Variants in PRODH2 observed in about 807,000 individuals in gnomAD.
PRODH2 encodes proline dehydrogenase 2.
Under a neutral mutation model 51.9 loss-of-function variants are expected in PRODH2, and 49 were observed. The ratio of observed to expected loss-of-function variants is 0.94; its 90% CI spans 0.75 to 1.20. The LOEUF (loss-of-function observed/expected upper bound fraction) is 1.20. PRODH2 is among the 50% of genes most tolerant of loss of function. The probability of loss-of-function intolerance (pLI) is 0.00; values close to 1 mark genes in which losing one functional copy is unlikely to be tolerated. For synonymous variants in PRODH2, 249 were observed against 260.7 expected (o/e 0.96, Z 0.43); for missense variants, 597 against 610.9 (o/e 0.98, Z 0.24).
intron 4 of PRODH2, among the ~76,000 whole-genome samples, chr19:35,809,975 A>AACAAAAAC (rs1325530659): frequency 7.4e-6 from 1 of 134,472 alleles, no homozygotes; most frequent in Admixed American, 7.6e-5. Context: ...AAAAAAAAAA[A>AACAAAAAC]AAAAAAAAAA....
chr19:35,801,474 T>C (rs1430820952), intron 9 of PRODH2, among the ~76,000 whole-genome samples: 2 of 151,336 alleles, frequency 1.3e-5, no homozygotes, highest in Non-Finnish European at 2.9e-5. Flanking sequence ...TCAAAATAAA[T>C]AAATAAATAA....
At chr19:35,811,821 A>C in intron 4 of PRODH2, 141 bp downstream of exon 4, 1 of 809,012 alleles carries the variant, frequency 1.2e-6, no homozygotes, top group Non-Finnish European at 1.9e-6. Context: ...CATTTCAACC[A>C]TGCCTGGGAG....
intron 4 of PRODH2, among the ~76,000 whole-genome samples, chr19:35,809,985 A>AAAAAAAAAG (rs1483544871): frequency 2.9e-5 from 4 of 137,908 alleles, no homozygotes; most frequent in Non-Finnish European, 6.1e-5. Context: ...AAAAAAAAAA[A>AAAAAAAAAG]CGCTGGGCGT....
chr19:35,806,795 A>G lies in PRODH2; in HGVS notation c.714T>C (p.Asp238=). The G allele has an allele frequency of 6.2e-7, 1 of 1,612,064 alleles. No homozygotes were observed. The highest frequency in any genetic ancestry group is 2.2e-5 in the East Asian group (1 of 44,774). Residue 238 remains aspartate (D), a synonymous_variant, in exon 6 of 10, where the codon GAT becomes GAC. Transcript: ENST00000653904. ...CAGGGTTCAGTGAGGTGTACTCCGCATCCACCAGGAGCCGCACGTGCTGGG... is the reference window on the plus strand; with the variant it reads ...CAGGGTTCAGTGAGGTGTACTCCGCGTCCACCAGGAGCCGCACGTGCTGGG... ...ARAQHVRLLV[D]AEYTSLNPAL...
chr19:35,809,686 T>C lies in PRODH2; in HGVS notation c.597+2276A>G, dbSNP rs551688682. On this transcript the variant is annotated intron_variant, in intron 4 of 9. Transcript: ENST00000653904. ...TTTAAAAATTACAAATAAGGCCAGG[T>C]ACAGTGGCTCATGCCTGTAATCCCA... is the stretch of plus-strand genomic sequence containing the variant. Among the ~76,000 whole-genome samples the C allele has an allele frequency of 5.3e-5, 8 of 152,160 alleles. No individual in the cohort carries two copies. The South Asian group carries it at 1.7e-3, about 32-fold the overall frequency.
chr19:35,808,182 C>T (rs1378126515), intron 4 of PRODH2, among the ~76,000 whole-genome samples: 2 of 152,158 alleles, frequency 1.3e-5, no homozygotes, highest in African/African-American at 4.8e-5. Flanking sequence ...GCAAACACTT[C>T]GGGAGTGGAT....
At chr19:35,800,928 C>T (rs930600130) in intron 9 of PRODH2, among the ~76,000 whole-genome samples, 7 of 151,972 alleles carry the variant, frequency 4.6e-5, no homozygotes, top group Non-Finnish European at 1.0e-4. Context: ...CTTGGTCTGT[C>T]GCCCTGGCTG....
At position 35,800,152 on chromosome 19, in the gene PRODH2, G is replaced by C. The variant is rs770917781; in HGVS notation, c.1269C>G (p.Ile423Met). The C allele has an allele frequency of 1.2e-5, 20 of 1,604,766 alleles. No individual in the cohort carries two copies. Among genetic ancestry groups the C allele is most frequent in the Non-Finnish European group, 1.6e-5 (19 of 1,175,524 alleles). ...GSLEEVIPYL[I>M]RRAQENRSVL... ...CGCTCCGGTTCTCCTGGGCCCTCCG[G>C]ATCAGGTAGGGGATTACCTCCTCCA... The change falls in exon 10 of 10, where the codon ATC (isoleucine) becomes ATG (methionine). Residue 423 changes from isoleucine to methionine, a missense_variant. Physicochemically the swap from Ile to Met is conservative, Grantham distance 10. Transcript: ENST00000653904.
chr19:35,803,199 C>G (rs989960529), intron 7 of PRODH2, 121 bp from the exon 8 acceptor site: 8 of 539,270 alleles, frequency 1.5e-5, no homozygotes, highest in Middle Eastern at 4.9e-4. Flanking sequence ...CCATCTGCAC[C>G]AGTTGTAAGG....
intron 9 of PRODH2, 120 bp from the exon 10 acceptor site, chr19:35,800,342 A>C: frequency 2.2e-6 from 2 of 902,764 alleles, no homozygotes; most frequent in Non-Finnish European, 3.2e-6. Flanking sequence ...CTCTGCCTCC[A>C]GGTTCAAGCG....
chr19:35,802,078 GA>G, intron 9 of PRODH2, 112 bp downstream of exon 9: 1 of 951,354 alleles, frequency 1.1e-6, no homozygotes, highest in African/African-American at 1.6e-5. Context: ...TGGAATGACA[GA>G]TCTCTCTGGA....
chr19:35,806,943 C>A (rs1485461383), intron 5 of PRODH2, 98 bp downstream of exon 5: 2 of 1,543,046 alleles, frequency 1.3e-6, no homozygotes, highest in Non-Finnish European at 1.7e-6. Flanking sequence ...CTGAGGGAGG[C>A]CCGGAGGTGC....
At chr19:35,807,880 ATCC>A (rs1414452602) in intron 4 of PRODH2, among the ~76,000 whole-genome samples, 7 of 151,830 alleles carry the variant, frequency 4.6e-5, no homozygotes, top group African/African-American at 1.7e-4. Flanking sequence ...AGCTCAAGCA[ATCC>A]TCCTGCTTCA....
intron 6 of PRODH2, 30 bp from the exon 7 acceptor site, chr19:35,806,626 G>C: frequency 1.2e-6 from 2 of 1,614,072 alleles, no homozygotes; most frequent in Non-Finnish European, 1.7e-6. Flanking sequence ...GTTCTGGTAG[G>C]TCAGGGTGTG....
chr19:35,800,568 G>C (rs1202387863), intron 9 of PRODH2, among the ~76,000 whole-genome samples: 1 of 152,148 alleles, frequency 6.6e-6, no homozygotes, highest in Non-Finnish European at 1.5e-5. Flanking sequence ...GACAGGGTAT[G>C]GGCTTGGGCT....
chr19:35,800,571 C>A (rs1972406386), intron 9 of PRODH2, among the ~76,000 whole-genome samples: 1 of 152,144 alleles, frequency 6.6e-6, no homozygotes, highest in Non-Finnish European at 1.5e-5. Flanking sequence ...AGGGTATGGG[C>A]TTGGGCTGGG....
intron 7 of PRODH2, among the ~76,000 whole-genome samples, chr19:35,803,809 G>A (rs759985367): frequency 1.3e-5 from 2 of 152,194 alleles, no homozygotes; most frequent in African/African-American, 4.8e-5. Context: ...GTGCTCTATC[G>A]CGCAACTGTG....
intron 9 of PRODH2, chr19:35,801,978 A>G: frequency 3.5e-6 from 2 of 573,306 alleles, no homozygotes; most frequent in South Asian, 4.6e-5. Context: ...AGATAACAAA[A>G]CACACAAGAA....
chr19:35,810,044 T>G (rs1972583887), intron 4 of PRODH2, among the ~76,000 whole-genome samples: 1 of 138,398 alleles, frequency 7.2e-6, no homozygotes, highest in Non-Finnish European at 1.5e-5. Flanking sequence ...GAGGCGGGCG[T>G]TTCACCTGGG....
Sources: allele counts gnomAD v4.1 joint callset (sites outside exome capture counted in the v4.1 genomes callset), GRCh38; gene constraint gnomAD v4.1.1; transcripts MANE v1.5; gene names NCBI Gene and HGNC (gene_info 2026-07-23, HGNC 2026-07-21).